Variants in NRXN1 observed in about 807,000 individuals in gnomAD.
NRXN1 encodes the protein neurexin-1.
Under a neutral mutation model 150.9 loss-of-function variants are expected in NRXN1, and 39 were observed. The observed-to-expected ratio is 0.26, with a 90% CI of 0.20 to 0.34. NRXN1 has a LOEUF of 0.34. Among genes scored for constraint, NRXN1 ranks in the 10% least tolerant of loss-of-function variants. The probability of loss-of-function intolerance (pLI) is 1.00; values close to 1 mark genes in which losing one functional copy is unlikely to be tolerated. For synonymous variants in NRXN1, 924 were observed against 757.0 expected, an observed-to-expected ratio of 1.22 and a Z score of -3.62; for missense variants, 1,815 against 1,949.9, an observed-to-expected ratio of 0.93 and a Z score of 1.30.
intron 17 of NRXN1, among the ~76,000 whole-genome samples, chr2:50,403,402 C>G (rs557991067): frequency 4.6e-5 from 7 of 152,128 alleles, no homozygotes; most frequent in East Asian, 1.9e-4. Flanking sequence ...AAATCAGAAT[C>G]TGCATTTAAA....
At position 50,678,508 on chromosome 2, in the gene NRXN1, A is replaced by G. The variant is rs566504731; in HGVS notation, c.833-54893T>C. ...ATTTTACATGTTTCAACTAGAATCA[A>G]CTCTTACAAGTCTGCCTTCAGCCAT... On this transcript the variant is annotated intron_variant, in intron 5 of 22. Coordinates refer to ENST00000401669, the MANE Select transcript of NRXN1 (RefSeq NM_001330078.2). Among the ~76,000 whole-genome samples, 3 of 152,224 alleles carry G rather than the reference A, an allele frequency of 2.0e-5. No homozygotes were observed. The South Asian group carries it at 6.2e-4, about 32-fold the overall frequency.
intron 18 of NRXN1, among the ~76,000 whole-genome samples, chr2:50,223,553 G>GT (rs535754902): frequency 2.2e-3 from 341 of 152,000 alleles, no homozygotes; most frequent in African/African-American, 7.8e-3. Flanking sequence ...CTTACTCTGC[G>GT]TAATAGGGCT....
intron 17 of NRXN1, among the ~76,000 whole-genome samples, chr2:50,409,273 G>A (rs866022926): frequency 1.3e-5 from 2 of 152,100 alleles, no homozygotes; most frequent in Non-Finnish European, 2.9e-5. Context: ...CCCACCCTTC[G>A]AGTTTGAAGT....
chr2:50,286,600 G>A (rs1341022459), intron 17 of NRXN1, among the ~76,000 whole-genome samples: 2 of 152,006 alleles, frequency 1.3e-5, no homozygotes, highest in Non-Finnish European at 2.9e-5. Context: ...ATCTTAATGT[G>A]CCACAGATAT....
chr2:50,167,871 T>C (rs547075200), intron 18 of NRXN1, among the ~76,000 whole-genome samples: 2 of 152,208 alleles, frequency 1.3e-5, no homozygotes, highest in Non-Finnish European at 2.9e-5. Context: ...ATTACATGCA[T>C]AGTAGACTTC....
At chr2:50,199,397 AC>A (rs1352667052) in intron 18 of NRXN1, 1 of 152,032 alleles carries the variant, frequency 6.6e-6, no homozygotes, top group African/African-American at 2.4e-5. Context: ...GGAACTCCCA[AC>A]CCCACCCCAC....
intron 2 of NRXN1, among the ~76,000 whole-genome samples, chr2:50,942,901 G>A (rs1243726488): frequency 6.6e-6 from 1 of 152,166 alleles, no homozygotes; most frequent in Non-Finnish European, 1.5e-5. Flanking sequence ...GTAGGCGCCA[G>A]GGATGGAATA....
At chr2:50,212,053 T>C (rs1337508326) in intron 18 of NRXN1, among the ~76,000 whole-genome samples, 2 of 148,920 alleles carry the variant, frequency 1.3e-5, no homozygotes, top group Non-Finnish European at 3.0e-5. Context: ...AAATCCACTA[T>C]ATATTCACTA....
chr2:50,258,649 C>T (rs1037907784), intron 17 of NRXN1, among the ~76,000 whole-genome samples: 1 of 151,988 alleles, frequency 6.6e-6, no homozygotes, highest in Non-Finnish European at 1.5e-5. Flanking sequence ...TTAATGGCAT[C>T]TAGAATGGTA....
At chr2:50,197,914 T>C (rs577765533) in intron 18 of NRXN1, among the ~76,000 whole-genome samples, 1 of 152,306 alleles carries the variant, frequency 6.6e-6, no homozygotes, top group East Asian at 1.9e-4. Flanking sequence ...CTTCCACATG[T>C]ATTTGCCACT....
intron 21 of NRXN1, among the ~76,000 whole-genome samples, chr2:50,043,733 C>T (rs1691373493): frequency 6.6e-6 from 1 of 152,096 alleles, no homozygotes. Context: ...ATTTTAAATG[C>T]TGGTCTATGT....
chr2:50,559,460 A>G (rs1274943724), intron 8 of NRXN1, among the ~76,000 whole-genome samples: 1 of 152,202 alleles, frequency 6.6e-6, no homozygotes, highest in Non-Finnish European at 1.5e-5. Context: ...ATCAAATGCA[A>G]TTTTAGTCAC....
intron 19 of NRXN1, among the ~76,000 whole-genome samples, chr2:50,057,280 C>A (rs1693801665): frequency 6.6e-6 from 1 of 152,140 alleles, no homozygotes; most frequent in Non-Finnish European, 1.5e-5. Context: ...TCTTCCAAAT[C>A]TTTTCTTTCT....
At chr2:50,428,925 G>A (rs2084725153) in intron 17 of NRXN1, among the ~76,000 whole-genome samples, 1 of 152,144 alleles carries the variant, frequency 6.6e-6, no homozygotes, top group South Asian at 2.1e-4. Flanking sequence ...TGTGAACACA[G>A]TATATTGCTT....
chr2:50,300,960 T>C (rs998345839), intron 17 of NRXN1, among the ~76,000 whole-genome samples: 1 of 151,994 alleles, frequency 6.6e-6, no homozygotes, highest in African/African-American at 2.4e-5. Context: ...CTTCCCAAAG[T>C]GTTGGGATTA....
Position 50,346,972 on chromosome 2 carries a change from A to C in NRXN1, c.3365-110002T>G. On this transcript the variant is annotated intron_variant, in intron 17 of 22. Coordinates refer to ENST00000401669, the MANE Select transcript of NRXN1 (RefSeq NM_001330078.2). The surrounding 1 kb of genome is among the most constrained non-coding windows in gnomAD (Gnocchi z 5.0). ...CATGGCGGGGCGCCCGCCGAGGGGC[A>C]GCCGCCGCGGGAGGCAAAGTTTGGG... 1.5e-6 allele frequency: 2 copies of C among 1,361,842 alleles called. No individual in the cohort carries two copies. The highest frequency in any genetic ancestry group is 3.9e-5 in the East Asian group (1 of 25,570). The allele number at this position is 1,361,842 out of a possible 1,614,324, so 84.4% of individuals were successfully genotyped here.
Position 50,378,891 on chromosome 2 carries a change from G to A in NRXN1, c.3364+86551C>T, listed in dbSNP as rs796765078. Among the ~76,000 whole-genome samples, 3 of 152,116 alleles carry A rather than the reference G, an allele frequency of 2.0e-5. No individual in the cohort carries two copies. The South Asian group carries it at 6.2e-4, about 31-fold the overall frequency. On this transcript the variant is annotated intron_variant, in intron 17 of 22. Transcript: ENST00000401669. ...ATCTGACTTCACACACATATGGGTTGCCGGACTTTTCTCTCACTTACATAA... is the reference window on the plus strand; with the variant it reads ...ATCTGACTTCACACACATATGGGTTACCGGACTTTTCTCTCACTTACATAA...
At chr2:50,395,285 G>T (rs765764799) in intron 17 of NRXN1, among the ~76,000 whole-genome samples, 8 of 151,632 alleles carry the variant, frequency 5.3e-5, no homozygotes, top group Non-Finnish European at 1.2e-4. Flanking sequence ...ACCAGAAAAT[G>T]ATCATAACAC....
At chr2:50,799,926 G>C (rs549194689) in intron 5 of NRXN1, among the ~76,000 whole-genome samples, 1 of 152,198 alleles carries the variant, frequency 6.6e-6, no homozygotes, top group African/African-American at 2.4e-5. Context: ...GAGAGAGACA[G>C]AGACAGAGAA....
Sources: gnomAD v4.1 joint callset for allele counts (sites outside exome capture counted in the v4.1 genomes callset) on GRCh38, gnomAD v4.1.1 for gene constraint, Gnocchi (gnomAD v3.1) non-coding constraint, MANE v1.5 for transcripts, NCBI Gene and HGNC (gene_info 2026-07-23, HGNC 2026-07-21) for gene names.